The following VPS8 variants were observed in gnomAD, a reference collection of about 807,000 sequenced individuals.
The protein encoded by VPS8 is VPS8 subunit of CORVET complex.
Under a neutral mutation model 216.4 loss-of-function variants are expected in VPS8, and 129 were observed. The observed-to-expected ratio is 0.60, with a 90% CI of 0.52 to 0.69. The LOEUF (loss-of-function observed/expected upper bound fraction) is 0.69, where lower values mean the gene tolerates loss of function less well. Among genes scored for constraint, VPS8 ranks in the 30% least tolerant of loss-of-function variants. VPS8 has a pLI of 0.00. For synonymous variants in VPS8, 571 were observed against 565.4 expected, an observed-to-expected ratio of 1.01 and a Z score of -0.14; for missense variants, 1,531 against 1,683.5, an observed-to-expected ratio of 0.91 and a Z score of 1.59.
intron 45 of VPS8, among the ~76,000 whole-genome samples, chr3:185,016,930 A>G (rs1435552284): frequency 6.6e-6 from 1 of 151,998 alleles, no homozygotes; most frequent in Non-Finnish European, 1.5e-5. Context: ...AATGGCCACC[A>G]TCAGAAATGA....
intron 45 of VPS8, among the ~76,000 whole-genome samples, chr3:185,020,951 A>C (rs1026406454): frequency 6.6e-6 from 1 of 152,208 alleles, no homozygotes; most frequent in Non-Finnish European, 1.5e-5. Context: ...GTGCACCTGT[A>C]ATCCCAGCTA....
At chr3:184,980,942 A>G (rs1289285104) in intron 40 of VPS8, among the ~76,000 whole-genome samples, 1 of 152,098 alleles carries the variant, frequency 6.6e-6, no homozygotes, top group Admixed American at 6.5e-5. Context: ...AAGCTGGTGT[A>G]TCTTTAATAT....
intron 21 of VPS8, among the ~76,000 whole-genome samples, chr3:184,879,986 T>C (rs1284987862): frequency 2.0e-5 from 3 of 152,240 alleles, no homozygotes; most frequent in Non-Finnish European, 2.9e-5. Flanking sequence ...ACCTGGCTTC[T>C]TTAAGAAGCC....
intron 8 of VPS8, among the ~76,000 whole-genome samples, chr3:184,845,365 A>G (rs997331237): frequency 6.6e-6 from 1 of 152,222 alleles, no homozygotes; most frequent in African/African-American, 2.4e-5. Flanking sequence ...CCTCTTCAAT[A>G]AGACTGCTTT....
chr3:184,979,203 A>G (rs1015859373), intron 40 of VPS8, among the ~76,000 whole-genome samples: 2 of 151,818 alleles, frequency 1.3e-5, no homozygotes, highest in Admixed American at 6.6e-5. Context: ...TTTGTTGAGT[A>G]TTGTTTTATA....
chr3:185,018,503 G>A (rs1173988137), intron 45 of VPS8, among the ~76,000 whole-genome samples: 4 of 152,192 alleles, frequency 2.6e-5, no homozygotes, highest in Non-Finnish European at 5.9e-5. Context: ...ATTTGCGGTT[G>A]GGCCTGGGCG....
At chr3:184,938,945 A>G (rs1742148024) in intron 35 of VPS8, among the ~76,000 whole-genome samples, 1 of 148,374 alleles carries the variant, frequency 6.7e-6, no homozygotes, top group Admixed American at 6.8e-5. Context: ...TGGGATGATC[A>G]CCTGAACCCA....
At chr3:184,852,784 A>G (rs887822101) in intron 11 of VPS8, among the ~76,000 whole-genome samples, 2 of 152,158 alleles carry the variant, frequency 1.3e-5, no homozygotes, top group African/African-American at 4.8e-5. Context: ...TTGAGATTCT[A>G]GACTCCTACT....
At chr3:184,868,322 G>A in intron 18 of VPS8, 1 of 391,454 alleles carries the variant, frequency 2.6e-6, no homozygotes, top group Non-Finnish European at 4.6e-6. Context: ...CTGGAGCTAG[G>A]TGGTCCGCAG....
At chr3:184,978,741 C>A (rs1342760308) in intron 40 of VPS8, among the ~76,000 whole-genome samples, 1 of 152,094 alleles carries the variant, frequency 6.6e-6, no homozygotes. Flanking sequence ...CTTATTTATT[C>A]TTTCAAAGAA....
intron 36 of VPS8, among the ~76,000 whole-genome samples, chr3:184,943,975 AC>A (rs1460458358): frequency 6.6e-6 from 1 of 152,162 alleles, no homozygotes; most frequent in Non-Finnish European, 1.5e-5. Context: ...GGTCACGCAC[AC>A]CTGTAATCTC....
At chr3:184,856,191 G>A (rs146875652) in intron 14 of VPS8, among the ~76,000 whole-genome samples, 1 of 152,304 alleles carries the variant, frequency 6.6e-6, no homozygotes, top group East Asian at 1.9e-4. Context: ...AAGCAGCAAA[G>A]GAAAGAAGGA....
chr3:185,027,466 T>C (rs1183905874), intron 46 of VPS8, among the ~76,000 whole-genome samples: 1 of 151,728 alleles, frequency 6.6e-6, no homozygotes, highest in Non-Finnish European at 1.5e-5. Context: ...ATGGTCTCGA[T>C]CTCCTGACCT....
chr3:184,902,065 G>C (rs958949189), intron 25 of VPS8, among the ~76,000 whole-genome samples: 13 of 144,232 alleles, frequency 9.0e-5, no homozygotes, highest in African/African-American at 3.4e-4. Flanking sequence ...TCATGTGCTT[G>C]TTTAGCCATT....
chr3:185,018,782 C>T (rs1230121477), intron 45 of VPS8, among the ~76,000 whole-genome samples: 1 of 152,150 alleles, frequency 6.6e-6, no homozygotes, highest in Admixed American at 6.5e-5. Context: ...TGTATTCTAA[C>T]AGGGAACTGC....
chr3:184,912,206 A>G (rs1736674966), intron 25 of VPS8, among the ~76,000 whole-genome samples: 2 of 152,334 alleles, frequency 1.3e-5, no homozygotes, highest in South Asian at 4.1e-4. Flanking sequence ...CGGCTGAATA[A>G]AAGACTCTTA....
intron 36 of VPS8, among the ~76,000 whole-genome samples, chr3:184,950,015 T>G (rs1274938463): frequency 6.6e-6 from 1 of 151,772 alleles, no homozygotes; most frequent in Non-Finnish European, 1.5e-5. Flanking sequence ...GTTCAAGTGA[T>G]TCTCCTGCCT....
In VPS8 at chr3:184,957,498, T is replaced by A; in HGVS notation, c.3160T>A (p.Tyr1054Asn). The change falls in exon 37 of 48, where the codon TAC (tyrosine) becomes AAC (asparagine). Residue 1054 changes from tyrosine (Y) to asparagine (N), a missense_variant. This residue lies in a region of VPS8 where 1,318 missense variants were observed against 1,468.4 expected (regional missense o/e 0.90). Coordinates refer to ENST00000625842, the MANE Select transcript of VPS8 (RefSeq NM_001009921.3). ...VIETLQVLECYRLEETIQITQ... is the reference protein window; with the variant it reads ...VIETLQVLECNRLEETIQITQ... ...AGAGACTCTGCAAGTCCTTGAGTGC[T>A]ACCGTCTGGAAGAAACTATTCAGGT... 2 of 1,611,648 alleles carry A rather than the reference T, an allele frequency of 1.2e-6. No homozygotes were observed. The highest frequency in any genetic ancestry group is 1.7e-6 in the Non-Finnish European group (2 of 1,178,888).
intron 11 of VPS8, 28 bp from the exon 12 acceptor site, chr3:184,853,829 A>T: frequency 6.4e-7 from 1 of 1,552,562 alleles, no homozygotes; most frequent in Non-Finnish European, 8.7e-7. Context: ...TGCTAAATTG[A>T]TTCTGAATTT....
Sources: gnomAD v4.1 joint callset for allele counts (sites outside exome capture counted in the v4.1 genomes callset) on GRCh38, gnomAD v4.1.1 for gene constraint, gnomAD v4.1.1 regional missense constraint, MANE v1.5 for transcripts, NCBI Gene and HGNC (gene_info 2026-07-23, HGNC 2026-07-21) for gene names.